Variants in STXBP5 observed in about 807,000 individuals in gnomAD.
STXBP5 encodes syntaxin-binding protein 5.
Under a neutral mutation model 152.4 loss-of-function variants are expected in STXBP5, and 50 were observed. The ratio of observed to expected loss-of-function variants is 0.33; its 90% CI spans 0.26 to 0.42. The LOEUF (loss-of-function observed/expected upper bound fraction) is 0.42, where lower values mean the gene tolerates loss of function less well. Ranked by LOEUF, STXBP5 falls within the 10% of genes least tolerant of loss-of-function variation. STXBP5 has a pLI of 1.00. For missense variants in STXBP5, 1,167 were observed against 1,388.6 expected, an observed-to-expected ratio of 0.84 and a Z score of 2.54; for synonymous variants, 492 against 494.7, an observed-to-expected ratio of 0.99 and a Z score of 0.07.
chr6:147,347,220 T>C (rs555740801), intron 21 of STXBP5, among the ~76,000 whole-genome samples: 1 of 152,286 alleles, frequency 6.6e-6, no homozygotes, highest in Non-Finnish European at 1.5e-5. Flanking sequence ...AACGCCAAGT[T>C]AATAGAAGGA....
intron 21 of STXBP5, among the ~76,000 whole-genome samples, chr6:147,351,245 T>C (rs1784576170): frequency 6.6e-6 from 1 of 152,162 alleles, no homozygotes; most frequent in Non-Finnish European, 1.5e-5. Flanking sequence ...TTTAACAAGA[T>C]CTCCATGTGA....
chr6:147,346,533 G>A (rs1015056102), intron 21 of STXBP5, among the ~76,000 whole-genome samples: 4 of 152,136 alleles, frequency 2.6e-5, no homozygotes, highest in Non-Finnish European at 5.9e-5. Flanking sequence ...GAGGTCAAGA[G>A]TTCGAGACCA....
At chr6:147,269,091 A>T (rs1196438055) in intron 7 of STXBP5, among the ~76,000 whole-genome samples, 1 of 152,216 alleles carries the variant, frequency 6.6e-6, no homozygotes, top group Non-Finnish European at 1.5e-5. Flanking sequence ...CCCTGCCCTG[A>T]GTCTTCAGTT....
At chr6:147,211,550 TA>T (rs1405105866) in intron 2 of STXBP5, among the ~76,000 whole-genome samples, 3 of 152,240 alleles carry the variant, frequency 2.0e-5, no homozygotes, top group East Asian at 3.9e-4. Context: ...TTGAAATAAT[TA>T]AAAGTAAAAT....
chr6:147,273,002 A>G (rs930038892), intron 7 of STXBP5, among the ~76,000 whole-genome samples: 1 of 152,096 alleles, frequency 6.6e-6, no homozygotes, highest in African/African-American at 2.4e-5. Flanking sequence ...CTTCATCTAT[A>G]TAAAATTTTA....
At chr6:147,253,839 G>T (rs1033802797) in intron 4 of STXBP5, among the ~76,000 whole-genome samples, 1 of 152,116 alleles carries the variant, frequency 6.6e-6, no homozygotes, top group East Asian at 1.9e-4. Flanking sequence ...TGGATAGGAA[G>T]AATCAATATC....
At chr6:147,343,289 T>C (rs193240016) in intron 21 of STXBP5, among the ~76,000 whole-genome samples, 47 of 152,274 alleles carry the variant, frequency 3.1e-4, no homozygotes, top group African/African-American at 1.1e-3. Flanking sequence ...ACTGGAATAA[T>C]TTTTGAATTC....
chr6:147,269,743 G>GA (rs1256674116), intron 7 of STXBP5, among the ~76,000 whole-genome samples: 1 of 152,158 alleles, frequency 6.6e-6, no homozygotes, highest in Non-Finnish European at 1.5e-5. Context: ...TACTGCCAAA[G>GA]GATTAATACG....
At chr6:147,267,693 T>C (rs1779962569) in intron 7 of STXBP5, among the ~76,000 whole-genome samples, 1 of 152,164 alleles carries the variant, frequency 6.6e-6, no homozygotes, top group African/African-American at 2.4e-5. Flanking sequence ...TTTTTTGTTT[T>C]TTGTTTTTGC....
chr6:147,235,770 A>G lies in STXBP5; in HGVS notation c.330+439A>G, dbSNP rs60462938. ...GCCCAGAGTTCTTAAATAACACCCA[A>G]ATGTGTCACTTAATTGCTTTAAGTA... is the stretch of plus-strand genomic sequence containing the variant. On this transcript the variant is annotated intron_variant, in intron 3 of 27. Transcript: ENST00000321680. Among the ~76,000 whole-genome samples, 1,496 of 152,264 alleles carry G rather than the reference A, an allele frequency of 9.8e-3. 15 individuals carry two copies. The highest frequency in any genetic ancestry group is 0.034 in the African/African-American group (1,409 of 41,552).
At chr6:147,205,371 CATATATATATAT>C (rs66619063) in intron 1 of STXBP5, among the ~76,000 whole-genome samples, 3 of 141,918 alleles carry the variant, frequency 2.1e-5, no homozygotes, top group East Asian at 2.0e-4. Flanking sequence ...TAAAAGTGTG[CATATATATATAT>C]ATATATATAT....
chr6:147,321,061 A>G (rs1399514134), intron 16 of STXBP5, among the ~76,000 whole-genome samples: 2 of 152,230 alleles, frequency 1.3e-5, no homozygotes, highest in African/African-American at 4.8e-5. Flanking sequence ...CTAGTGAAAG[A>G]CATAAAGTAC....
At chr6:147,310,868 A>T (rs796534516) in intron 10 of STXBP5, among the ~76,000 whole-genome samples, 3 of 152,232 alleles carry the variant, frequency 2.0e-5, no homozygotes, top group Admixed American at 6.5e-5. Flanking sequence ...ATATATGTAT[A>T]TATATGTATA....
intron 16 of STXBP5, among the ~76,000 whole-genome samples, chr6:147,322,073 T>TG (rs1474586391): frequency 6.6e-6 from 1 of 152,214 alleles, no homozygotes; most frequent in Non-Finnish European, 1.5e-5. Flanking sequence ...ACTTCTAAAA[T>TG]TATCCCTGGA....
Position 147,384,942 on chromosome 6 carries a change from A to G in STXBP5, c.*187A>G, listed in dbSNP as rs908768173. ...TGAGGAGTGTTCACACGCACTCGAA[A>G]TGGAGTATATGGTGTGTGCCAGTTA... On this transcript the variant is annotated 3_prime_UTR_variant, in exon 28 of 28. Coordinates refer to ENST00000321680, the MANE Select transcript of STXBP5 (RefSeq NM_001127715.4). 1.6e-6 allele frequency: 1 copy of G among 611,420 alleles called. No homozygotes were observed. Among genetic ancestry groups the G allele is most frequent in the Non-Finnish European group, 2.9e-6 (1 of 340,266 alleles). The allele number at this position is 611,420 out of a possible 1,614,324, so 37.9% of individuals were successfully genotyped here. A position where few individuals can be genotyped will look rare whatever the true frequency, so the allele number is the denominator to read the frequency against.
chr6:147,245,011 T>TA lies in STXBP5; in HGVS notation c.431+5742dup, dbSNP rs1554287311. 3.7e-3 allele frequency among the ~76,000 whole-genome samples: 536 copies of TA among 143,332 alleles called. 3 individuals are homozygous for TA. Among genetic ancestry groups the TA allele is most frequent in the Non-Finnish European group, 5.5e-3 (363 of 66,246 alleles). The allele number at this position is 143,332 out of a possible 152,430, so 94.0% of individuals were successfully genotyped here. A position where few individuals can be genotyped will look rare whatever the true frequency, so the allele number is the denominator to read the frequency against. ...GCTTTTTTTTTTTTTTTTTTTTTTT[T>TA]AGAGGGAATCTTGGTCTGTTGCCCA... On this transcript the variant is annotated intron_variant, in intron 4 of 27. Coordinates refer to ENST00000321680, the MANE Select transcript of STXBP5 (RefSeq NM_001127715.4).
intron 25 of STXBP5, among the ~76,000 whole-genome samples, chr6:147,366,531 C>A (rs376748230): frequency 6.6e-6 from 1 of 152,166 alleles, no homozygotes; most frequent in South Asian, 2.1e-4. Context: ...CCCTTTGTTT[C>A]TAGGAGCTGC....
chr6:147,276,222 CGTCTT>C (rs753595384), intron 7 of STXBP5, among the ~76,000 whole-genome samples: 114 of 152,196 alleles, frequency 7.5e-4, no homozygotes, highest in Admixed American at 1.2e-3. Context: ...TTAGAAAACA[CGTCTT>C]GTATTAAGTT....
At chr6:147,212,263 T>C (rs1776895910) in intron 2 of STXBP5, among the ~76,000 whole-genome samples, 1 of 152,228 alleles carries the variant, frequency 6.6e-6, no homozygotes, top group Admixed American at 6.5e-5. Context: ...GAGATTCAAG[T>C]CCGTGCTTTG....
Sources: gnomAD v4.1 joint callset for allele counts (sites outside exome capture counted in the v4.1 genomes callset) on GRCh38, gnomAD v4.1.1 for gene constraint, MANE v1.5 for transcripts, NCBI Gene and HGNC (gene_info 2026-07-23, HGNC 2026-07-21) for gene names.